Variants in GCNT1 observed in about 807,000 individuals in gnomAD.
The protein encoded by GCNT1 is beta-1,3-galactosyl-O-glycosyl-glycoprotein beta-1,6-N-acetylglucosaminyltransferase.
In GCNT1, 16 loss-of-function variants were observed where a neutral mutation model predicts 26.2. The ratio of observed to expected loss-of-function variants is 0.61; its 90% CI spans 0.41 to 0.93. The LOEUF (loss-of-function observed/expected upper bound fraction) is 0.93, where lower values mean the gene tolerates loss of function less well. GCNT1 is among the 40% of genes least tolerant of loss of function. The pLI, the probability that GCNT1 is intolerant of heterozygous loss-of-function variation, is 0.00. For synonymous variants in GCNT1, 183 were observed against 190.8 expected (o/e 0.96, Z 0.34); for missense variants, 477 against 526.7 (o/e 0.91, Z 0.92).
chr9:76,487,044 A>G (rs1296214589), intron 2 of GCNT1, among the ~76,000 whole-genome samples: 2 of 152,214 alleles, frequency 1.3e-5, no homozygotes, highest in African/African-American at 4.8e-5. Context: ...CAGAGGAGCT[A>G]AGCAGCTCAC....
intron 1 of GCNT1, among the ~76,000 whole-genome samples, chr9:76,425,905 G>A (rs2131573769): frequency 6.6e-6 from 1 of 152,262 alleles, no homozygotes; most frequent in African/African-American, 2.4e-5. Flanking sequence ...TGATCTGGGT[G>A]GTGCCAGCTG....
In GCNT1 at chr9:76,503,940, G is replaced by T. The variant is rs1295307229; in HGVS notation, c.*272G>T. ...GTAGCAAGGCATTGTGGAAAGAGGG[G>T]ACCAGGGTGGCTGGGGAAGAGGCCG... On this transcript the variant is annotated 3_prime_UTR_variant, in exon 4 of 4. Coordinates refer to ENST00000376730, the MANE Select transcript of GCNT1 (RefSeq NM_001490.5). The T allele has an allele frequency of 2.2e-6, 1 of 447,142 alleles. No individual in the cohort carries two copies. The highest frequency in any genetic ancestry group is 4.3e-5 in the East Asian group (1 of 23,198). 27.7% of individuals were successfully genotyped at this position (447,142 alleles called of 1,614,324 possible). A position where few individuals can be genotyped will look rare whatever the true frequency, so the allele number is the denominator to read the frequency against.
chr9:76,482,718 C>T (rs1238668095), intron 2 of GCNT1, among the ~76,000 whole-genome samples: 9 of 151,788 alleles, frequency 5.9e-5, no homozygotes, highest in Non-Finnish European at 1.3e-4. Flanking sequence ...GATCATGGCT[C>T]ATTGCAGCCT....
the GCNT1 span, among the ~76,000 whole-genome samples, chr9:76,396,961 T>C: frequency 6.6e-6 from 1 of 151,430 alleles, no homozygotes; most frequent in Non-Finnish European, 1.5e-5. Context: ...CACTCCAGCC[T>C]AATGACAAAG....
chr9:76,399,976 G>GA, the GCNT1 span, among the ~76,000 whole-genome samples: 4 of 152,170 alleles, frequency 2.6e-5, no homozygotes, highest in East Asian at 7.7e-4. Flanking sequence ...AAGCCAGTCT[G>GA]AAAAGGCTAC....
chr9:76,466,814 G>C (rs1824006579), intron 2 of GCNT1, among the ~76,000 whole-genome samples: 1 of 152,192 alleles, frequency 6.6e-6, no homozygotes, highest in Admixed American at 6.5e-5. Flanking sequence ...CATTGGCTGA[G>C]TTTGGGGTGT....
intron 3 of GCNT1, 81 bp from the exon 4 acceptor site, chr9:76,502,156 ACT>A (rs71499157): frequency 6.3e-3 from 947 of 149,392 alleles, no homozygotes; most frequent in East Asian, 0.012. Flanking sequence ...ATTGTGAAAA[ACT>A]CTCTCTCTCT....
At chr9:76,468,797 A>C (rs1046822037) in intron 2 of GCNT1, among the ~76,000 whole-genome samples, 1 of 152,206 alleles carries the variant, frequency 6.6e-6, no homozygotes, top group Non-Finnish European at 1.5e-5. Flanking sequence ...CTTACAGTGA[A>C]TTACTTTTCA....
chr9:76,432,528 C>T (rs1317338606), intron 1 of GCNT1, among the ~76,000 whole-genome samples: 1 of 151,910 alleles, frequency 6.6e-6, no homozygotes, highest in African/African-American at 2.4e-5. Flanking sequence ...TTTATAGAGA[C>T]AGGGTTTCGC....
chr9:76,452,491 C>T (rs1823686573), intron 1 of GCNT1, among the ~76,000 whole-genome samples: 2 of 152,114 alleles, frequency 1.3e-5, no homozygotes, highest in Non-Finnish European at 1.5e-5. Flanking sequence ...AATTGGCTCA[C>T]AGTTCTGTAC....
chr9:76,464,265 G>A (rs1823947416), intron 2 of GCNT1, among the ~76,000 whole-genome samples: 1 of 152,128 alleles, frequency 6.6e-6, no homozygotes, highest in Non-Finnish European at 1.5e-5. Context: ...TGCCCAGGTT[G>A]GAATGCAGTG....
chr9:76,473,135 C>T (rs1824177349), intron 2 of GCNT1, among the ~76,000 whole-genome samples: 1 of 152,148 alleles, frequency 6.6e-6, no homozygotes, highest in Non-Finnish European at 1.5e-5. Context: ...TAATTGCTCC[C>T]AGAGCTGCTG....
intron 2 of GCNT1, among the ~76,000 whole-genome samples, chr9:76,497,763 CA>C (rs921214078): frequency 1.3e-5 from 2 of 151,350 alleles, no homozygotes; most frequent in South Asian, 2.1e-4. Flanking sequence ...CTGTTTAAAA[CA>C]AAAAAAAACC....
chr9:76,504,834 C>T lies in GCNT1; in HGVS notation c.*1166C>T, dbSNP rs186816350. ...TAAGTTTCCTCCTTTCTCAACCTTC[C>T]ACGAGGAGGAAAGAAGTGTGCAGTC... On this transcript the variant is annotated 3_prime_UTR_variant, in exon 4 of 4. Transcript: ENST00000376730. The T allele has an allele frequency of 6.4e-4, 264 of 413,446 alleles. 1 individual carries two copies. Among genetic ancestry groups the T allele is most frequent in the African/African-American group, 3.1e-3 (153 of 48,704 alleles). 25.6% of individuals were successfully genotyped at this position (413,446 alleles called of 1,614,324 possible).
intron 2 of GCNT1, among the ~76,000 whole-genome samples, chr9:76,483,573 C>A (rs1224489131): frequency 6.6e-6 from 1 of 152,052 alleles, no homozygotes; most frequent in Non-Finnish European, 1.5e-5. Flanking sequence ...CACCACCACA[C>A]CCAGCTAATT....
At chr9:76,449,439 C>G (rs771515905) in intron 1 of GCNT1, among the ~76,000 whole-genome samples, 8 of 152,190 alleles carry the variant, frequency 5.3e-5, no homozygotes, top group Non-Finnish European at 1.0e-4. Flanking sequence ...CAGACACAAG[C>G]AAAACTCTTT....
intron 2 of GCNT1, among the ~76,000 whole-genome samples, chr9:76,493,031 C>T (rs55658459): frequency 0.12 from 17,610 of 152,058 alleles, 1,113 homozygotes; most frequent in Middle Eastern, 0.19. Flanking sequence ...TCGAGGGAGT[C>T]GGGTGACAGG....
At chr9:76,491,863 C>CT (rs1277851505) in intron 2 of GCNT1, among the ~76,000 whole-genome samples, 32 of 152,316 alleles carry the variant, frequency 2.1e-4, no homozygotes, top group African/African-American at 7.7e-4. Flanking sequence ...CGCCTGGTAT[C>CT]TAAGTAGGCA....
intron 1 of GCNT1, among the ~76,000 whole-genome samples, chr9:76,443,871 AAAAAG>A: frequency 8.4e-6 from 1 of 118,662 alleles, no homozygotes; most frequent in African/African-American, 3.2e-5. Context: ...CTCTGTCTAA[AAAAAG>A]GAAAGAAAGA....
Sources: allele counts gnomAD v4.1 joint callset (sites outside exome capture counted in the v4.1 genomes callset), GRCh38; gene constraint gnomAD v4.1.1; transcripts MANE v1.5; gene names NCBI Gene and HGNC (gene_info 2026-07-23, HGNC 2026-07-21).